Variants in DLG2 observed in about 807,000 individuals in gnomAD.
DLG2 encodes disks large homolog 2.
DLG2 carries 45 observed loss-of-function variants against 132.5 expected under a neutral mutation model. That is an observed-to-expected ratio of 0.34 (90% confidence interval 0.27 to 0.44). The LOEUF (loss-of-function observed/expected upper bound fraction) is 0.44. Ranked by LOEUF, DLG2 falls within the 20% of genes least tolerant of loss-of-function variation. The probability of loss-of-function intolerance (pLI) is 1.00; values close to 1 mark genes in which losing one functional copy is unlikely to be tolerated. For missense variants in DLG2, 1,045 were observed against 1,196.9 expected, an observed-to-expected ratio of 0.87 and a Z score of 1.87; for synonymous variants, 424 against 419.6, an observed-to-expected ratio of 1.01 and a Z score of -0.13.
chr11:85,204,043 G>T (rs2081665183), intron 4 of DLG2, among the ~76,000 whole-genome samples: 1 of 152,014 alleles, frequency 6.6e-6, no homozygotes, highest in Admixed American at 6.6e-5. Flanking sequence ...CTTTTAAAAT[G>T]ATAAAGTCCG....
chr11:84,489,666 T>C (rs1168491523), intron 7 of DLG2, among the ~76,000 whole-genome samples: 1 of 152,138 alleles, frequency 6.6e-6, no homozygotes, highest in Non-Finnish European at 1.5e-5. Context: ...GCCTTTATGA[T>C]GCTTGTATTC....
chr11:85,532,178 A>G (rs1292775935), intron 3 of DLG2, among the ~76,000 whole-genome samples: 1 of 152,240 alleles, frequency 6.6e-6, no homozygotes, highest in East Asian at 1.9e-4. Context: ...CAAAAGAAAA[A>G]GTGGTCTTAC....
In DLG2 at chr11:85,554,249, G is replaced by A. The variant is rs149511026; in HGVS notation, c.40+44408C>T. On this transcript the variant is annotated intron_variant, in intron 3 of 27. Transcript: ENST00000376104. ...TGAGTATTTGAAAACAATAGTCGTC[G>A]TCAAACTTCTGATAGTATTGAACAT... 7.3e-5 allele frequency among the ~76,000 whole-genome samples: 11 copies of A among 151,478 alleles called. 1 individual carries two copies. The highest frequency in any genetic ancestry group is 1.9e-4 in the East Asian group (1 of 5,190).
intron 21 of DLG2, among the ~76,000 whole-genome samples, chr11:83,526,304 C>T (rs763405245): frequency 6.6e-6 from 1 of 152,186 alleles, no homozygotes; most frequent in Non-Finnish European, 1.5e-5. Flanking sequence ...TTTTCAGAAT[C>T]TTACACCCAG....
intron 7 of DLG2, among the ~76,000 whole-genome samples, chr11:84,299,193 G>T (rs998514026): frequency 2.0e-5 from 3 of 152,250 alleles, no homozygotes; most frequent in South Asian, 2.1e-4. Context: ...CCAAAGATAC[G>T]TAAGTGTAAG....
intron 4 of DLG2, among the ~76,000 whole-genome samples, chr11:85,175,810 A>G (rs2079195205): frequency 6.6e-6 from 1 of 152,198 alleles, no homozygotes; most frequent in Non-Finnish European, 1.5e-5. Flanking sequence ...GCATTCCTAT[A>G]CACTAACAAT....
intron 14 of DLG2, among the ~76,000 whole-genome samples, chr11:83,950,157 A>G (rs905290291): frequency 3.3e-5 from 5 of 152,236 alleles, no homozygotes; most frequent in African/African-American, 9.6e-5. Context: ...TAACCAATGT[A>G]TATCAAAGCA....
chr11:84,156,402 A>G (rs1327987410), intron 9 of DLG2, among the ~76,000 whole-genome samples: 1 of 152,198 alleles, frequency 6.6e-6, no homozygotes, highest in East Asian at 1.9e-4. Flanking sequence ...TAGATTTATG[A>G]TGCTTTTATA....
intron 6 of DLG2, among the ~76,000 whole-genome samples, chr11:84,919,714 A>C (rs1209772659): frequency 2.6e-5 from 4 of 152,210 alleles, no homozygotes; most frequent in Non-Finnish European, 5.9e-5. Flanking sequence ...TGAGGAAGAT[A>C]AAGTTATTTA....
chr11:85,539,728 C>T (rs1425595833), intron 3 of DLG2, among the ~76,000 whole-genome samples: 1 of 152,054 alleles, frequency 6.6e-6, no homozygotes, highest in African/African-American at 2.4e-5. Context: ...TTACTGTGTA[C>T]CCACAAAAAT....
intron 21 of DLG2, among the ~76,000 whole-genome samples, chr11:83,518,350 G>T (rs887984900): frequency 6.6e-6 from 1 of 152,194 alleles, no homozygotes; most frequent in African/African-American, 2.4e-5. Flanking sequence ...CTGGTGTGAC[G>T]TTTGCTAAGA....
chr11:83,510,918 C>G (rs1425798916), intron 21 of DLG2, among the ~76,000 whole-genome samples: 1 of 143,634 alleles, frequency 7.0e-6, no homozygotes, highest in East Asian at 2.1e-4. Context: ...TATATCCTCA[C>G]TTGGCTAGGA....
intron 2 of DLG2, among the ~76,000 whole-genome samples, chr11:85,619,381 A>T (rs2081548252): frequency 6.6e-6 from 1 of 152,012 alleles, no homozygotes; most frequent in Non-Finnish European, 1.5e-5. Flanking sequence ...AAAAAAAAAA[A>T]CTTTAGTAAA....
chr11:84,352,093 C>G (rs893014497), intron 7 of DLG2, among the ~76,000 whole-genome samples: 2 of 152,128 alleles, frequency 1.3e-5, no homozygotes, highest in Admixed American at 1.3e-4. Context: ...ACAAATGAGG[C>G]AATGCAGTCT....
intron 19 of DLG2, among the ~76,000 whole-genome samples, chr11:83,552,664 C>A (rs2096419908): frequency 6.6e-6 from 1 of 152,178 alleles, no homozygotes; most frequent in Non-Finnish European, 1.5e-5. Context: ...GAGGGCTCAG[C>A]TTCCTTCCTT....
At chr11:84,067,819 AAAG>A (rs1315122250) in intron 10 of DLG2, among the ~76,000 whole-genome samples, 1 of 152,222 alleles carries the variant, frequency 6.6e-6, no homozygotes, top group African/African-American at 2.4e-5. Flanking sequence ...ATAAAAAATA[AAAG>A]AATAAAAATC....
In DLG2 at chr11:85,403,521, G is replaced by A. The variant is rs571223316; in HGVS notation, c.41-118156C>T. Among the ~76,000 whole-genome samples the A allele has an allele frequency of 3.3e-5, 5 of 151,804 alleles. No individual in the cohort carries two copies. In the East Asian group the frequency reaches 5.8e-4, roughly 18 times the overall value. The stretch of plus-strand genomic sequence containing the variant: ...AATTAAATTTAAAAAAAAGAAAGAT[G>A]AGAAGGACATAACAAGCAAATAAGA... On this transcript the variant is annotated intron_variant, in intron 3 of 27. Transcript: ENST00000376104.
chr11:85,616,267 A>G (rs781340250), intron 2 of DLG2, among the ~76,000 whole-genome samples: 10 of 152,196 alleles, frequency 6.6e-5, no homozygotes, highest in Non-Finnish European at 1.3e-4. Context: ...GTTCATGAAC[A>G]TTATCATATT....
intron 21 of DLG2, among the ~76,000 whole-genome samples, chr11:83,508,825 C>T (rs1423341310): frequency 3.9e-5 from 6 of 152,194 alleles, no homozygotes; most frequent in African/African-American, 1.2e-4. Context: ...TCAGCTGTCT[C>T]GGACTCCAAA....
Sources: allele counts gnomAD v4.1 joint callset (sites outside exome capture counted in the v4.1 genomes callset), GRCh38; gene constraint gnomAD v4.1.1; transcripts MANE v1.5; gene names NCBI Gene and HGNC (gene_info 2026-07-23, HGNC 2026-07-21).